EYS: variants seen among roughly 807,000 people sequenced by gnomAD.
EYS encodes the protein protein eyes shut homolog.
A neutral mutation model predicts 282.1 loss-of-function variants in EYS; 250 were observed. The ratio of observed to expected loss-of-function variants is 0.89; its 90% CI spans 0.80 to 0.98. The LOEUF is 0.98. Among genes scored for constraint, EYS ranks in the 50% least tolerant of loss-of-function variants. The pLI is 0.00. For missense variants in EYS, 4,016 were observed against 3,709.0 expected (o/e 1.08, Z -2.15); for synonymous variants, 1,355 against 1,282.9 (o/e 1.06, Z -1.20).
chr6:65,675,883 T>A (rs1195782456), intron 1 of EYS, among the ~76,000 whole-genome samples: 1 of 151,808 alleles, frequency 6.6e-6, no homozygotes, highest in Admixed American at 6.6e-5. Flanking sequence ...ACGATTGAAA[T>A]CACACCAAGT....
intron 4 of EYS, among the ~76,000 whole-genome samples, chr6:65,491,817 T>C (rs1766056232): frequency 6.6e-6 from 1 of 152,064 alleles, no homozygotes; most frequent in Non-Finnish European, 1.5e-5. Flanking sequence ...GGAGATAATA[T>C]CTTTAGAGAA....
At chr6:64,125,338 A>C (rs893462455) in intron 31 of EYS, among the ~76,000 whole-genome samples, 1 of 152,006 alleles carries the variant, frequency 6.6e-6, no homozygotes, top group African/African-American at 2.4e-5. Context: ...AGTTAGACTG[A>C]AGGTTCCCAT....
rs1244721303 is a variant in EYS at position 65,076,750 on chromosome 6, G to T, written c.2024-19023C>A. On this transcript the variant is annotated intron_variant, in intron 12 of 42. Coordinates refer to ENST00000503581, the MANE Select transcript of EYS (RefSeq NM_001142800.2). ...CTCTCCTCCTCTCATGGTAATCTAAGAGGCATGCTGAGTACTTCTACTATC... is the reference window on the plus strand; with the variant it reads ...CTCTCCTCCTCTCATGGTAATCTAATAGGCATGCTGAGTACTTCTACTATC... Among the ~76,000 whole-genome samples the T allele has an allele frequency of 2.0e-5, 3 of 151,710 alleles. No individual in the cohort carries two copies. The East Asian group carries it at 5.8e-4, about 30-fold the overall frequency.
chr6:65,644,674 C>T (rs1012709011), intron 1 of EYS, among the ~76,000 whole-genome samples: 3 of 152,144 alleles, frequency 2.0e-5, no homozygotes, highest in African/African-American at 4.8e-5. Flanking sequence ...AAAAGCATCA[C>T]GTAACCTATA....
At chr6:63,885,772 AT>A in intron 35 of EYS, among the ~76,000 whole-genome samples, 1 of 152,242 alleles carries the variant, frequency 6.6e-6, no homozygotes, top group South Asian at 2.1e-4. Flanking sequence ...GCTCTCCATA[AT>A]ATTCCCTTTG....
intron 11 of EYS, among the ~76,000 whole-genome samples, chr6:65,301,953 A>G (rs1271501482): frequency 6.6e-6 from 1 of 152,272 alleles, no homozygotes; most frequent in Non-Finnish European, 1.5e-5. Flanking sequence ...GACTAGTATT[A>G]AGTGTGAAGA....
chr6:63,800,204 A>C lies in EYS; in HGVS notation c.7411+5986T>G, dbSNP rs76221524. ...TTGCATTCAGTGCTATTTATATTCC[A>C]GATACGTATTAGACATTGTGATAGA... On this transcript the variant is annotated intron_variant, in intron 37 of 42. Coordinates refer to ENST00000503581, the MANE Select transcript of EYS (RefSeq NM_001142800.2). 4.4e-3 allele frequency among the ~76,000 whole-genome samples: 676 copies of C among 152,308 alleles called. 7 individuals carry two copies. The highest frequency in any genetic ancestry group is 0.016 in the African/African-American group (648 of 41,556).
intron 26 of EYS, among the ~76,000 whole-genome samples, chr6:64,551,378 T>G (rs1192853235): frequency 6.6e-6 from 1 of 151,948 alleles, no homozygotes; most frequent in East Asian, 1.9e-4. Context: ...TGAGGATACC[T>G]AGTAGCTGTT....
intron 22 of EYS, among the ~76,000 whole-genome samples, chr6:64,679,316 TATC>T (rs1426234211): frequency 2.0e-5 from 3 of 152,214 alleles, no homozygotes; most frequent in Non-Finnish European, 2.9e-5. Flanking sequence ...TCGGGCACTT[TATC>T]TTTTTGGATA....
intron 22 of EYS, among the ~76,000 whole-genome samples, chr6:64,703,429 A>ATAAATTTTTTTTTTTTT (rs869208549): frequency 4.3e-5 from 1 of 23,366 alleles, no homozygotes; most frequent in African/African-American, 9.6e-5. Context: ...ATATATATAT[A>ATAAATTTTTTTTTTTTT]TTTTTTTTTT....
chr6:64,070,915 A>G (rs1771549966), intron 32 of EYS, among the ~76,000 whole-genome samples: 1 of 152,012 alleles, frequency 6.6e-6, no homozygotes, highest in Non-Finnish European at 1.5e-5. Context: ...CGAAAATGTC[A>G]ACACAGTGAT....
At chr6:65,443,019 A>C (rs1172086489) in intron 5 of EYS, among the ~76,000 whole-genome samples, 1 of 107,506 alleles carries the variant, frequency 9.3e-6, no homozygotes, top group African/African-American at 2.6e-5. Context: ...CATATCTGTA[A>C]ATATACACAC....
intron 22 of EYS, among the ~76,000 whole-genome samples, chr6:64,650,496 G>A (rs1768519467): frequency 6.6e-6 from 1 of 151,894 alleles, no homozygotes; most frequent in African/African-American, 2.4e-5. Context: ...GTGAAAATGT[G>A]GATTAAATGA....
chr6:64,133,476 T>TCACACA (rs61088369), intron 31 of EYS, among the ~76,000 whole-genome samples: 3,325 of 142,390 alleles, frequency 0.023, 45 homozygotes, highest in Middle Eastern at 0.047. Flanking sequence ...TTGCATTACT[T>TCACACA]CACACACACA....
At chr6:63,873,327 T>C (rs1772867064) in intron 35 of EYS, among the ~76,000 whole-genome samples, 1 of 152,200 alleles carries the variant, frequency 6.6e-6, no homozygotes, top group Non-Finnish European at 1.5e-5. Context: ...ACAAAGGACA[T>C]GAACTCATCC....
In EYS at chr6:65,455,010, A is replaced by T. The variant is rs562784379; in HGVS notation, c.862+35584T>A. ...TAGCGTCTTTTTGTGGTTCCATATAAATTTTAGAATTATTTTTCTTTTGTG... is the reference window on the plus strand; with the variant it reads ...TAGCGTCTTTTTGTGGTTCCATATATATTTTAGAATTATTTTTCTTTTGTG... On this transcript the variant is annotated intron_variant, in intron 5 of 42. Coordinates refer to ENST00000503581, the MANE Select transcript of EYS (RefSeq NM_001142800.2). Among the ~76,000 whole-genome samples the T allele has an allele frequency of 3.3e-5, 5 of 151,980 alleles. 1 individual carries two copies. Among genetic ancestry groups the T allele is most frequent in the Middle Eastern group, 6.3e-3 (2 of 316 alleles).
At chr6:65,672,608 C>T (rs1768427623) in intron 1 of EYS, among the ~76,000 whole-genome samples, 1 of 151,898 alleles carries the variant, frequency 6.6e-6, no homozygotes, top group Non-Finnish European at 1.5e-5. Context: ...GCACATGAGC[C>T]AAGCAAAGTA....
intron 11 of EYS, among the ~76,000 whole-genome samples, chr6:65,301,767 C>T (rs200394444): frequency 3.1e-5 from 4 of 128,430 alleles, no homozygotes; most frequent in Admixed American, 3.1e-4. Flanking sequence ...ACCGTAATGA[C>T]GAACACCCCT....
chr6:64,689,001 C>T (rs535106096), intron 22 of EYS, among the ~76,000 whole-genome samples: 34 of 151,978 alleles, frequency 2.2e-4, no homozygotes, highest in African/African-American at 5.8e-4. Flanking sequence ...AAATAAAGGG[C>T]ATTCAATTAG....
Sources: gnomAD v4.1 joint callset for allele counts (sites outside exome capture counted in the v4.1 genomes callset) on GRCh38, gnomAD v4.1.1 for gene constraint, MANE v1.5 for transcripts, NCBI Gene and HGNC (gene_info 2026-07-23, HGNC 2026-07-21) for gene names.